The following CACNA2D1 variants were observed in gnomAD, a reference collection of about 807,000 sequenced individuals.
CACNA2D1 encodes the protein voltage-dependent calcium channel subunit alpha-2/delta-1.
Under a neutral mutation model 171.5 loss-of-function variants are expected in CACNA2D1, and 53 were observed. The ratio of observed to expected loss-of-function variants is 0.31; its 90% CI spans 0.25 to 0.39. CACNA2D1 has a LOEUF of 0.39. Ranked by LOEUF, CACNA2D1 falls within the 10% of genes least tolerant of loss-of-function variation. CACNA2D1 has a pLI of 1.00. For missense variants in CACNA2D1, 903 were observed against 1,299.8 expected (o/e 0.69, Z 4.69); for synonymous variants, 442 against 443.1 (o/e 1.00, Z 0.03).
intron 3 of CACNA2D1, among the ~76,000 whole-genome samples, chr7:82,314,780 G>T (rs1207177667): frequency 6.6e-6 from 1 of 151,918 alleles, no homozygotes; most frequent in African/African-American, 2.4e-5. Flanking sequence ...ATTTTAATAT[G>T]ATACAAAAAT....
intron 7 of CACNA2D1, among the ~76,000 whole-genome samples, chr7:82,071,841 G>T (rs747964065): frequency 6.6e-6 from 1 of 152,124 alleles, no homozygotes; most frequent in African/African-American, 2.4e-5. Flanking sequence ...ATATATGCAT[G>T]ACTCTTCAAT....
intron 1 of CACNA2D1, among the ~76,000 whole-genome samples, chr7:82,414,770 G>C (rs1392010705): frequency 1.3e-5 from 2 of 152,194 alleles, no homozygotes; most frequent in Non-Finnish European, 2.9e-5. Context: ...ACAGCTCAAA[G>C]TGAGCCTGGA....
At chr7:82,213,089 C>G (rs1990073) in intron 3 of CACNA2D1, among the ~76,000 whole-genome samples, 2 of 151,698 alleles carry the variant, frequency 1.3e-5, no homozygotes, top group Non-Finnish European at 2.9e-5. Context: ...TTAGTAGAGA[C>G]GGGGTTTCAC....
At chr7:81,959,892 C>A in intron 36 of CACNA2D1, 63 bp from the exon 37 acceptor site, 4 of 1,559,374 alleles carry the variant, frequency 2.6e-6, no homozygotes, top group East Asian at 2.4e-5. Flanking sequence ...GGAAATCTTT[C>A]AAAGATTCTT....
chr7:82,036,226 C>G (rs1265580661), intron 11 of CACNA2D1, among the ~76,000 whole-genome samples: 1 of 152,166 alleles, frequency 6.6e-6, no homozygotes, highest in African/African-American at 2.4e-5. Context: ...ACACCAGCAT[C>G]TCTACGAATA....
At chr7:82,106,582 T>G (rs1787790538) in intron 6 of CACNA2D1, among the ~76,000 whole-genome samples, 1 of 151,922 alleles carries the variant, frequency 6.6e-6, no homozygotes, top group Non-Finnish European at 1.5e-5. Context: ...TAAGAAAAAA[T>G]AAAGCAATAA....
At chr7:82,231,547 C>T (rs1273122598) in intron 3 of CACNA2D1, among the ~76,000 whole-genome samples, 3 of 151,976 alleles carry the variant, frequency 2.0e-5, no homozygotes, top group Non-Finnish European at 4.4e-5. Context: ...GGTAAGCTAC[C>T]TCAATTTTGT....
At chr7:82,430,292 C>T (rs1241057963) in intron 1 of CACNA2D1, among the ~76,000 whole-genome samples, 1 of 151,708 alleles carries the variant, frequency 6.6e-6, no homozygotes, top group Non-Finnish European at 1.5e-5. Flanking sequence ...GTGGTTGGCA[C>T]CTGTAATCCC....
intron 4 of CACNA2D1, among the ~76,000 whole-genome samples, chr7:82,142,798 T>C (rs566680245): frequency 1.5e-4 from 23 of 152,292 alleles, no homozygotes; most frequent in African/African-American, 5.5e-4. Context: ...TGGTTAAACA[T>C]TGTAGATACT....
chr7:82,220,105 T>A (rs1563217990), intron 3 of CACNA2D1, among the ~76,000 whole-genome samples: 1 of 152,154 alleles, frequency 6.6e-6, no homozygotes, highest in Non-Finnish European at 1.5e-5. Flanking sequence ...GGTTTCCACT[T>A]CAAAACAGAG....
chr7:82,150,276 C>CA lies in CACNA2D1; in HGVS notation c.355-13601dup, dbSNP rs1563122961. 7.6e-3 allele frequency among the ~76,000 whole-genome samples: 582 copies of CA among 76,956 alleles called. 23 individuals carry two copies. The highest frequency in any genetic ancestry group is 0.012 in the Non-Finnish European group (498 of 42,620). 50.5% of individuals were successfully genotyped at this position (76,956 alleles called of 152,430 possible). A position where few individuals can be genotyped will look rare whatever the true frequency, so the allele number is the denominator to read the frequency against. The stretch of plus-strand genomic sequence containing the variant: ...TCAAATTAAAAAAAAAAAACAAAAA[C>CA]AACAACAAAAAAAAACACCCTAGTA... On this transcript the variant is annotated intron_variant, in intron 4 of 38. Transcript: ENST00000356860.
chr7:82,417,764 G>C (rs1828317634), intron 1 of CACNA2D1, among the ~76,000 whole-genome samples: 1 of 152,152 alleles, frequency 6.6e-6, no homozygotes. Context: ...AGTAGGAAAG[G>C]TAAAGGCAAA....
chr7:81,960,005 T>G (rs902036917), intron 36 of CACNA2D1, among the ~76,000 whole-genome samples, 176 bp from the exon 37 acceptor site: 1 of 152,092 alleles, frequency 6.6e-6, no homozygotes, highest in Admixed American at 6.6e-5. Context: ...TTTATTAGCA[T>G]GAACGTATTA....
chr7:81,959,445 G>A (rs1793834601), intron 37 of CACNA2D1, 88 bp from the exon 38 acceptor site: 1 of 926,348 alleles, frequency 1.1e-6, no homozygotes, highest in Non-Finnish European at 1.8e-6. Context: ...CAAAACATGT[G>A]AGAGAGATAA....
At chr7:82,296,434 C>A (rs1049655632) in intron 3 of CACNA2D1, among the ~76,000 whole-genome samples, 3 of 152,110 alleles carry the variant, frequency 2.0e-5, no homozygotes, top group Non-Finnish European at 4.4e-5. Context: ...GTAAGTGAAG[C>A]TTTATGCTAC....
intron 4 of CACNA2D1, among the ~76,000 whole-genome samples, chr7:82,151,204 G>T (rs1385685376): frequency 6.6e-6 from 1 of 152,120 alleles, no homozygotes; most frequent in Non-Finnish European, 1.5e-5. Flanking sequence ...GGCAAGGAAA[G>T]GGAATTCTGT....
chr7:82,179,455 A>G (rs1796893769), intron 3 of CACNA2D1, among the ~76,000 whole-genome samples: 1 of 152,178 alleles, frequency 6.6e-6, no homozygotes, highest in Non-Finnish European at 1.5e-5. Flanking sequence ...TCATCCACTC[A>G]GAGAATGCAA....
At chr7:81,994,684 T>G (rs1054910628) in intron 20 of CACNA2D1, among the ~76,000 whole-genome samples, 184 bp downstream of exon 20, 1 of 152,006 alleles carries the variant, frequency 6.6e-6, no homozygotes. Context: ...AAAAGAGGGT[T>G]AAAAATATAT....
intron 12 of CACNA2D1, chr7:82,029,064 A>T: frequency 6.6e-6 from 1 of 151,926 alleles, no homozygotes. Flanking sequence ...TGAAAGGAAG[A>T]GTCAGTCAAT....
Sources: gnomAD v4.1 joint callset for allele counts (sites outside exome capture counted in the v4.1 genomes callset) on GRCh38, gnomAD v4.1.1 for gene constraint, MANE v1.5 for transcripts, NCBI Gene and HGNC (gene_info 2026-07-23, HGNC 2026-07-21) for gene names.